The following CLOCK variants were observed in gnomAD, a reference collection of about 807,000 sequenced individuals.
The protein encoded by CLOCK is circadian locomoter output cycles protein kaput.
Under a neutral mutation model 118.4 loss-of-function variants are expected in CLOCK, and 43 were observed. That is an observed-to-expected ratio of 0.36 (90% CI 0.28 to 0.47). CLOCK has a LOEUF of 0.47. Among genes scored for constraint, CLOCK ranks in the 20% least tolerant of loss-of-function variants. The pLI, the probability that CLOCK is intolerant of heterozygous loss-of-function variation, is 1.00. For synonymous variants in CLOCK, 326 were observed against 339.2 expected, an observed-to-expected ratio of 0.96 and a Z score of 0.43; for missense variants, 846 against 999.9, an observed-to-expected ratio of 0.85 and a Z score of 2.08.
intron 1 of CLOCK, among the ~76,000 whole-genome samples, chr4:55,510,364 T>C (rs1729060919): frequency 6.6e-6 from 1 of 152,218 alleles, no homozygotes; most frequent in Non-Finnish European, 1.5e-5. Context: ...CGGTGGCTCA[T>C]GCCTGTGATC....
intron 6 of CLOCK, among the ~76,000 whole-genome samples, chr4:55,477,219 A>C (rs1187990108): frequency 6.6e-6 from 1 of 152,062 alleles, no homozygotes; most frequent in Non-Finnish European, 1.5e-5. Context: ...TTTTGAAAAA[A>C]AAAATTACCT....
intron 8 of CLOCK, among the ~76,000 whole-genome samples, chr4:55,467,153 T>C (rs1434101297): frequency 6.6e-6 from 1 of 152,224 alleles, no homozygotes; most frequent in Non-Finnish European, 1.5e-5. Flanking sequence ...ACAGGGTTTT[T>C]ATTGAGGGAA....
chr4:55,542,566 G>A (rs1033601765), intron 1 of CLOCK, among the ~76,000 whole-genome samples: 5 of 151,730 alleles, frequency 3.3e-5, no homozygotes, highest in African/African-American at 1.2e-4. Flanking sequence ...GTAATTCTTT[G>A]TAACCTGGTT....
chr4:55,489,127 A>C (rs886355362), intron 3 of CLOCK, among the ~76,000 whole-genome samples: 5 of 152,208 alleles, frequency 3.3e-5, no homozygotes, highest in South Asian at 2.1e-4. Context: ...CTTGTGTATT[A>C]TTCTTCTTCT....
intron 2 of CLOCK, among the ~76,000 whole-genome samples, chr4:55,502,037 T>C (rs12646078): frequency 0.71 from 108,721 of 152,128 alleles, 39,382 homozygotes; most frequent in African/African-American, 0.82. Flanking sequence ...TTTTTACACG[T>C]AAAATAACAA....
chr4:55,457,688 A>G (rs573292834), intron 11 of CLOCK, among the ~76,000 whole-genome samples: 1 of 152,174 alleles, frequency 6.6e-6, no homozygotes, highest in African/African-American at 2.4e-5. Context: ...CCTAGACTCT[A>G]GTCATACTAA....
intron 11 of CLOCK, among the ~76,000 whole-genome samples, chr4:55,456,573 G>A (rs1965467): frequency 0.58 from 88,795 of 151,826 alleles, 27,572 homozygotes; most frequent in South Asian, 0.81. Flanking sequence ...GAGGCAGCAG[G>A]ATCACTTGAA....
intron 1 of CLOCK, among the ~76,000 whole-genome samples, chr4:55,534,927 GA>G (rs1021620953): frequency 3.5e-5 from 5 of 141,130 alleles, no homozygotes; most frequent in African/African-American, 1.3e-4. Flanking sequence ...TATAAAGTGA[GA>G]ATTTTTTTTT....
chr4:55,492,302 G>C (rs941423005), intron 2 of CLOCK, among the ~76,000 whole-genome samples: 1 of 150,356 alleles, frequency 6.7e-6, no homozygotes, highest in African/African-American at 2.4e-5. Context: ...AATCGTATGA[G>C]GGATCTCAAT....
chr4:55,536,788 C>T (rs373455893), intron 1 of CLOCK, among the ~76,000 whole-genome samples: 2 of 152,132 alleles, frequency 1.3e-5, no homozygotes, highest in African/African-American at 2.4e-5. Context: ...TCTCCCAACC[C>T]GGCAAAATGT....
chr4:55,513,147 A>G (rs1344084645), intron 1 of CLOCK, among the ~76,000 whole-genome samples: 1 of 152,124 alleles, frequency 6.6e-6, no homozygotes, highest in Non-Finnish European at 1.5e-5. Flanking sequence ...CAGCCCAACA[A>G]GCTCCATGGT....
Position 55,490,049 on chromosome 4 carries a change from G to A in CLOCK, c.-135-584C>T, listed in dbSNP as rs76387640. Reference sequence around the variant, plus strand: ...ATCAGTAATCACTTTAAACGTAAATGGATTAAACTCCTCAATCAAAATACA... The same window carrying A: ...ATCAGTAATCACTTTAAACGTAAATAGATTAAACTCCTCAATCAAAATACA... On this transcript the variant is annotated intron_variant, in intron 2 of 22. Transcript: ENST00000513440. Among the ~76,000 whole-genome samples the A allele has an allele frequency of 5.2e-3, 794 of 151,658 alleles. 4 individuals are homozygous for A. Among genetic ancestry groups the A allele is most frequent in the Non-Finnish European group, 8.9e-3 (602 of 67,894 alleles).
intron 9 of CLOCK, among the ~76,000 whole-genome samples, chr4:55,463,096 G>T (rs1264334580): frequency 6.6e-6 from 1 of 152,050 alleles, no homozygotes; most frequent in East Asian, 1.9e-4. Context: ...TTTGTCAATG[G>T]ACCTAGTAGA....
chr4:55,533,838 G>T (rs1417111098), intron 1 of CLOCK, among the ~76,000 whole-genome samples: 1 of 152,184 alleles, frequency 6.6e-6, no homozygotes, highest in Non-Finnish European at 1.5e-5. Context: ...GGGAGGCAGA[G>T]GTTGCAGTAA....
chr4:55,457,589 TAAAC>T (rs146333903), intron 11 of CLOCK, among the ~76,000 whole-genome samples: 4,112 of 152,252 alleles, frequency 0.027, 192 homozygotes, highest in African/African-American at 0.094. Flanking sequence ...CATGGAGAAA[TAAAC>T]AAGAAAGAAA....
intron 2 of CLOCK, among the ~76,000 whole-genome samples, chr4:55,508,818 TC>T (rs1728970701): frequency 6.6e-6 from 1 of 152,122 alleles, no homozygotes; most frequent in South Asian, 2.1e-4. Flanking sequence ...GGTCTCGATA[TC>T]CTGACCTCAT....
At chr4:55,456,076 T>C (rs924860464) in intron 12 of CLOCK, 73 bp from the exon 13 acceptor site, 79 of 966,344 alleles carry the variant, frequency 8.2e-5, no homozygotes, top group Non-Finnish European at 1.2e-4. Context: ...GAAATAAACT[T>C]TGGGGGGGGG....
chr4:55,517,646 G>A (rs1386566759), intron 1 of CLOCK, among the ~76,000 whole-genome samples: 1 of 152,142 alleles, frequency 6.6e-6, no homozygotes, highest in East Asian at 1.9e-4. Flanking sequence ...GCAGTATCAG[G>A]ATAATACTTG....
chr4:55,492,429 CTT>C (rs1181098817), intron 2 of CLOCK, among the ~76,000 whole-genome samples: 2 of 151,152 alleles, frequency 1.3e-5, no homozygotes, highest in African/African-American at 2.4e-5. Flanking sequence ...AGGAATTTCT[CTT>C]TCTTAAAAAA....
Sources: gnomAD v4.1 joint callset for allele counts (sites outside exome capture counted in the v4.1 genomes callset) on GRCh38, gnomAD v4.1.1 for gene constraint, MANE v1.5 for transcripts, NCBI Gene and HGNC (gene_info 2026-07-23, HGNC 2026-07-21) for gene names.